Variants in KDM5B observed in about 807,000 individuals in gnomAD.
KDM5B encodes lysine demethylase 5B, also known as lysine-specific demethylase 5B.
KDM5B carries 144 observed loss-of-function variants against 193.4 expected under a neutral mutation model. That is an observed-to-expected ratio of 0.74 (90% CI 0.65 to 0.86). The LOEUF (loss-of-function observed/expected upper bound fraction) is 0.86. Ranked by LOEUF, KDM5B falls within the 40% of genes least tolerant of loss-of-function variation. The probability of loss-of-function intolerance (pLI) is 0.00; values close to 1 mark genes in which losing one functional copy is unlikely to be tolerated. For missense variants in KDM5B, 1,833 were observed against 1,886.9 expected, an observed-to-expected ratio of 0.97 and a Z score of 0.53; for synonymous variants, 668 against 682.6, an observed-to-expected ratio of 0.98 and a Z score of 0.33.
intron 1 of KDM5B, among the ~76,000 whole-genome samples, chr1:202,783,262 T>C (rs917445721): frequency 6.6e-6 from 1 of 151,902 alleles, no homozygotes; most frequent in African/African-American, 2.4e-5. Context: ...AGCAAGACTC[T>C]GTCTAACAAG....
intron 1 of KDM5B, among the ~76,000 whole-genome samples, chr1:202,798,485 C>T (rs1440581934): frequency 2.0e-5 from 3 of 151,642 alleles, no homozygotes; most frequent in South Asian, 2.1e-4. Context: ...TTGCGGGGTG[C>T]GGTTTGCCTT....
At position 202,760,406 on chromosome 1, in the gene KDM5B, A is replaced by G; in HGVS notation, c.1077+9T>C. 1.3e-6 allele frequency: 2 copies of G among 1,584,968 alleles called. No homozygotes were observed. The highest frequency in any genetic ancestry group is 8.6e-7 in the Non-Finnish European group (1 of 1,167,936). On this transcript the variant is annotated intron_variant, in intron 8 of 26. Transcript: ENST00000367265. ...TTTTTCTAGTGTTACCTCTACTATT[A>G]ATTATTACCTGAGCCAAACACTTAG...
At position 202,758,426 on chromosome 1, in the gene KDM5B, C is replaced by T. The variant is rs1277545756; in HGVS notation, c.1162G>A (p.Ala388Thr). The stretch of plus-strand genomic sequence containing the variant: ...ATGTTGAAGTAATCAGATTTGAACG[C>T]ATCTGCCATTTCCCCAAAAGTACGG... The part of the protein sequence containing the change: ...TLRTFGEMAD[A>T]FKSDYFNMPV... Residue 388 changes from alanine to threonine, a missense_variant, in exon 9 of 27, where the codon GCG (alanine) becomes ACG (threonine). By Grantham distance (58) the Ala-to-Thr change is moderately conservative. Around this residue, in one of 3 missense-constraint regions of KDM5B, gnomAD observed 99 missense variants for 162.4 expected, o/e 0.61. Coordinates refer to ENST00000367265, the MANE Select transcript of KDM5B (RefSeq NM_006618.5). 6.2e-7 allele frequency: 1 copy of T among 1,613,408 alleles called. No homozygotes were observed. Among genetic ancestry groups the T allele is most frequent in the Admixed American group, 1.7e-5 (1 of 60,014 alleles).
Position 202,730,917 on chromosome 1 carries a change from T to G in KDM5B, c.4168A>C (p.Ser1390Arg), listed in dbSNP as rs1372832514. 1 of 1,604,128 alleles carries G rather than the reference T, an allele frequency of 6.2e-7. No individual in the cohort carries two copies. The highest frequency in any genetic ancestry group is 8.5e-7 in the Non-Finnish European group (1 of 1,173,652). Residue 1390 changes from serine (S) to arginine (R), a missense_variant, in exon 25 of 27, where the codon AGT (serine) becomes CGT (arginine). Ser to Arg is a moderately radical substitution (Grantham distance 110, BLOSUM62 -1). Coordinates refer to ENST00000367265, the MANE Select transcript of KDM5B (RefSeq NM_006618.5). ...TDRSSPVRPSSEKNDCCRGKR... is the reference protein window; with the variant it reads ...TDRSSPVRPSREKNDCCRGKR... ...GCCTCTCAGACACTCACCTTCTCAC[T>G]GCTGGGTCTCACTGGTGAGCTTCGG...
chr1:202,751,909 A>G (rs1317963079), intron 12 of KDM5B, among the ~76,000 whole-genome samples: 1 of 152,180 alleles, frequency 6.6e-6, no homozygotes, highest in East Asian at 1.9e-4. Flanking sequence ...TATTATGAGA[A>G]GAAATACCAA....
intron 6 of KDM5B, 44 bp downstream of exon 6, chr1:202,764,005 C>T: frequency 9.6e-7 from 1 of 1,042,596 alleles, no homozygotes; most frequent in Non-Finnish European, 1.5e-6. Context: ...GTTATTTTTA[C>T]TTTATTTACT....
chr1:202,742,252 A>G, intron 18 of KDM5B, 139 bp downstream of exon 18: 2 of 608,942 alleles, frequency 3.3e-6, no homozygotes, highest in Non-Finnish European at 2.9e-6. Flanking sequence ...TACATATACC[A>G]CTCAATAGGT....
At chr1:202,740,453 G>A (rs1655283160) in intron 20 of KDM5B, among the ~76,000 whole-genome samples, 1 of 126,610 alleles carries the variant, frequency 7.9e-6, no homozygotes, top group African/African-American at 2.8e-5. Flanking sequence ...GGCCGGGCGG[G>A]GGGCTGACCC....
intron 6 of KDM5B, among the ~76,000 whole-genome samples, chr1:202,763,621 A>G (rs938714926): frequency 2.0e-5 from 3 of 152,224 alleles, no homozygotes; most frequent in Admixed American, 6.5e-5. Context: ...ACTTACATCA[A>G]GTGATACCCA....
At position 202,733,515 on chromosome 1, in the gene KDM5B, T is replaced by G; in HGVS notation, c.3795A>C (p.Arg1265Ser). 1 of 1,614,180 alleles carries G rather than the reference T, an allele frequency of 6.2e-7. No homozygotes were observed. The highest frequency in any genetic ancestry group is 8.5e-7 in the Non-Finnish European group (1 of 1,180,012). The change falls in exon 23 of 27, where the codon AGA becomes AGC. Residue 1265 changes from arginine (R) to serine (S), a missense_variant. Around this residue, in one of 3 missense-constraint regions of KDM5B, gnomAD observed 1,379 missense variants for 1,349.6 expected, o/e 1.02. Transcript: ENST00000367265. Reference sequence around the variant, plus strand: ...TCCCTGACGAAAGCAGTTGCTGGGCTCTGTGCTGCCAGTTCACGGTTCTTT... The same window carrying G: ...TCCCTGACGAAAGCAGTTGCTGGGCGCTGTGCTGCCAGTTCACGGTTCTTT... ...MIERTVNWQH[R>S]AQQLLSSGNL...
chr1:202,764,805 C>T (rs1018234578), intron 5 of KDM5B, among the ~76,000 whole-genome samples: 1 of 150,558 alleles, frequency 6.6e-6, no homozygotes, highest in African/African-American at 2.4e-5. Context: ...ATGGCAAAAC[C>T]CCATCTCTAA....
chr1:202,743,589 G>A (rs1255306085), intron 16 of KDM5B, among the ~76,000 whole-genome samples: 1 of 152,088 alleles, frequency 6.6e-6, no homozygotes, highest in African/African-American at 2.4e-5. Context: ...TTGGGCTACA[G>A]AAATGGAAGC....
In KDM5B at chr1:202,788,940, A is replaced by AG. The variant is rs546244702; in HGVS notation, c.205-11847dup. ...AGATTCCAAAAATGATCTGTCTGTC[A>AG]GGGGGAAGGGATTTAGGAAAGAGGT... On this transcript the variant is annotated intron_variant, in intron 1 of 26. Coordinates refer to ENST00000367265, the MANE Select transcript of KDM5B (RefSeq NM_006618.5). Among the ~76,000 whole-genome samples the AG allele has an allele frequency of 8.5e-5, 13 of 152,250 alleles. No individual in the cohort carries two copies. In the South Asian group the frequency reaches 2.7e-3, roughly 32 times the overall value.
intron 1 of KDM5B, among the ~76,000 whole-genome samples, chr1:202,793,775 G>A (rs1362747136): frequency 1.3e-5 from 2 of 152,162 alleles, no homozygotes; most frequent in Non-Finnish European, 2.9e-5. Flanking sequence ...AAATCTTGAT[G>A]AGCAACTATA....
At chr1:202,789,488 G>T (rs959133826) in intron 1 of KDM5B, among the ~76,000 whole-genome samples, 7 of 147,708 alleles carry the variant, frequency 4.7e-5, no homozygotes, top group African/African-American at 1.8e-4. Context: ...AGTGAACTGA[G>T]ATGGCGCCAC....
At chr1:202,735,957 G>A (rs1655076901) in intron 21 of KDM5B, among the ~76,000 whole-genome samples, 1 of 152,206 alleles carries the variant, frequency 6.6e-6, no homozygotes, top group Non-Finnish European at 1.5e-5. Context: ...CCAAGTTTAA[G>A]AGTCCAATTT....
At chr1:202,774,028 C>T (rs549966858) in intron 3 of KDM5B, among the ~76,000 whole-genome samples, 14 of 152,268 alleles carry the variant, frequency 9.2e-5, no homozygotes, top group Non-Finnish European at 1.6e-4. Flanking sequence ...TGAGCCACCA[C>T]GCCCGGCCAT....
intron 1 of KDM5B, among the ~76,000 whole-genome samples, chr1:202,779,111 CA>C (rs1378114028): frequency 6.6e-6 from 1 of 151,888 alleles, no homozygotes; most frequent in Non-Finnish European, 1.5e-5. Context: ...AAATATAATC[CA>C]AAATACATTA....
intron 4 of KDM5B, 130 bp downstream of exon 4, chr1:202,772,988 C>T (rs1431474809): frequency 4.3e-5 from 28 of 649,464 alleles, no homozygotes; most frequent in Middle Eastern, 4.0e-4. Context: ...TGAGCCACCG[C>T]GCCCCACCAA....
Sources: allele counts gnomAD v4.1 joint callset (sites outside exome capture counted in the v4.1 genomes callset), GRCh38; gene constraint gnomAD v4.1.1; regional missense constraint gnomAD v4.1.1; transcripts MANE v1.5; gene names NCBI Gene and HGNC (gene_info 2026-07-23, HGNC 2026-07-21).